PHF23: variants seen among roughly 807,000 people sequenced by gnomAD.
The protein encoded by PHF23 is PHD finger protein 23.
PHF23 carries 3 observed loss-of-function variants against 36.0 expected under a neutral mutation model. The ratio of observed to expected loss-of-function variants is 0.08; its 90% CI spans 0.04 to 0.22. The LOEUF (loss-of-function observed/expected upper bound fraction) is 0.22, where lower values mean the gene tolerates loss of function less well. Among genes scored for constraint, PHF23 ranks in the 10% least tolerant of loss-of-function variants. The pLI is 1.00. For missense variants in PHF23, 475 were observed against 513.6 expected, an observed-to-expected ratio of 0.92 and a Z score of 0.73; for synonymous variants, 242 against 192.5, an observed-to-expected ratio of 1.26 and a Z score of -2.13.
Position 7,239,394 on chromosome 17 carries a change from C to G in PHF23, c.-115G>C, listed in dbSNP as rs891403967. 1 of 562,568 alleles carries G rather than the reference C, an allele frequency of 1.8e-6. No homozygotes were observed. Among genetic ancestry groups the G allele is most frequent in the Admixed American group, 2.7e-5 (1 of 37,122 alleles). 34.8% of individuals were successfully genotyped at this position (562,568 alleles called of 1,614,324 possible). On this transcript the variant is annotated 5_prime_UTR_variant, in exon 1 of 5. Transcript: ENST00000320316. The stretch of plus-strand genomic sequence containing the variant: ...CGCTCCACAGAAGTGTCCGCCTCAG[C>G]CCGGTTGAGACTCGAGTCCGCTAGC...
chr17:7,238,731 CG>C (rs1430153091), intron 1 of PHF23: 4 of 1,506,878 alleles, frequency 2.7e-6, no homozygotes, highest in Non-Finnish European at 2.6e-6. Flanking sequence ...GGTACAGGTC[CG>C]TCTGCCGTAG....
chr17:7,236,303 A>G lies in PHF23; in HGVS notation c.624T>C (p.Asp208=). 1 of 1,613,612 alleles carries G rather than the reference A, an allele frequency of 6.2e-7. No individual in the cohort carries two copies. The highest frequency in any genetic ancestry group is 1.1e-5 in the South Asian group (1 of 91,072). The change falls in exon 4 of 5, where the codon GAT becomes GAC. Residue 208 remains aspartate (D), a synonymous_variant. Transcript: ENST00000320316. This position sits in a 1 kb window ranked among gnomAD's most constrained non-coding sequence, Gnocchi z 5.1. ...TCTTGATTCGAGATCTCTTTTCCCC[A>G]TCCCCAGGAGTTGGCCGAGGCCTCC... ...VLRRPRPTPG[D]GEKRSRIKKS... is the part of the protein sequence containing the mutation.
At chr17:7,237,542 C>G (rs962568748) in intron 2 of PHF23, 65 bp from the exon 3 acceptor site, 41 of 1,606,434 alleles carry the variant, frequency 2.6e-5, no homozygotes, top group Non-Finnish European at 3.2e-5. Flanking sequence ...TTCCCAGAAA[C>G]ACAGTCCCTA....
In PHF23 at chr17:7,235,230, TGTA is replaced by T. The variant is rs1037029817; in HGVS notation, c.*393_*395del. 4.0e-6 allele frequency: 1 copy of T among 248,842 alleles called. No homozygotes were observed. The highest frequency in any genetic ancestry group is 2.2e-5 in the African/African-American group (1 of 44,918). 15.4% of individuals were successfully genotyped at this position (248,842 alleles called of 1,614,324 possible). A position where few individuals can be genotyped will look rare whatever the true frequency, so the allele number is the denominator to read the frequency against. ...AGTCCAAAATTAAAAATACAACCGG[TGTA>T]GAAGAAAATAAATGGGGAGTGAAAT... On this transcript the variant is annotated 3_prime_UTR_variant, in exon 5 of 5. Coordinates refer to ENST00000320316, the MANE Select transcript of PHF23 (RefSeq NM_024297.3).
rs1293942737 is a variant in PHF23, at chr17:7,236,248, C to G, written c.679G>C (p.Glu227Gln). The G allele has an allele frequency of 6.2e-7, 1 of 1,613,448 alleles. No homozygotes were observed. Residue 227 changes from glutamate (E) to glutamine (Q), a missense_variant, in exon 4 of 5, where the codon GAA becomes CAA. Glu to Gln is a conservative substitution (Grantham distance 29). Transcript: ENST00000320316. This position sits in a 1 kb window ranked among gnomAD's most constrained non-coding sequence, Gnocchi z 5.1. ...GGAGGTGGGAGTCTATCCCCCCGTT[C>G]TGCCTTTTTTAACTTCCGCTTCTTG... ...KSKKRKLKKA[E>Q]RGDRLPPPGP...
Position 7,239,416 on chromosome 17 carries a change from T to G in PHF23, c.-137A>C. 2.2e-6 allele frequency: 1 copy of G among 454,460 alleles called. No individual in the cohort carries two copies. 28.2% of individuals were successfully genotyped at this position (454,460 alleles called of 1,614,324 possible). A position where few individuals can be genotyped will look rare whatever the true frequency, so the allele number is the denominator to read the frequency against. On this transcript the variant is annotated 5_prime_UTR_variant, in exon 1 of 5. Coordinates refer to ENST00000320316, the MANE Select transcript of PHF23 (RefSeq NM_024297.3). Reference sequence around the variant, plus strand: ...CAGCCCGGTTGAGACTCGAGTCCGCTAGCCGCTGCCGCCACCTCCCTCTAC... The same window carrying G: ...CAGCCCGGTTGAGACTCGAGTCCGCGAGCCGCTGCCGCCACCTCCCTCTAC...
At chr17:7,240,002 G>A (rs2071759695), upstream of PHF23, 1 of 152,256 alleles carries the variant, frequency 6.6e-6, no homozygotes. Flanking sequence ...GTCTAGCCAA[G>A]TGACATGCAA....
chr17:7,237,819 TCCGCCCCGCGA>T lies in PHF23; in HGVS notation c.35-170_35-160del, dbSNP rs1880941785. 54 of 811,122 alleles carry T rather than the reference TCCGCCCCGCGA, an allele frequency of 6.7e-5. No homozygotes were observed. In the South Asian group the frequency reaches 9.3e-4, roughly 14 times the overall value. 50.2% of individuals were successfully genotyped at this position (811,122 alleles called of 1,614,324 possible). On this transcript the variant is annotated intron_variant, in intron 1 of 4. Transcript: ENST00000320316. The stretch of plus-strand genomic sequence containing the variant: ...TGTTGGATCCGCCCCGGCTCCCCCT[TCCGCCCCGCGA>T]GGGGCGGAGCCTGGGCGCGGCGCCC...
At chr17:7,239,204 G>T (rs779838376) in intron 1 of PHF23, 42 bp downstream of exon 1, 45 of 1,365,800 alleles carry the variant, frequency 3.3e-5, no homozygotes, top group Non-Finnish European at 4.1e-5. Context: ...TTCCTCGCCC[G>T]CCCCCCGCCG....
In PHF23 at chr17:7,237,462, G is replaced by A; in HGVS notation, c.82C>T (p.Arg28Trp). The A allele has an allele frequency of 6.2e-7, 1 of 1,613,940 alleles. No individual in the cohort carries two copies. Among genetic ancestry groups the A allele is most frequent in the Non-Finnish European group, 8.5e-7 (1 of 1,179,934 alleles). The change falls in exon 3 of 5, where the codon CGG becomes TGG. Residue 28 changes from arginine to tryptophan, a missense_variant. Coordinates refer to ENST00000320316, the MANE Select transcript of PHF23 (RefSeq NM_024297.3). ...TTGTTGAAATCCTCAATTGTTCTCC[G>A]CCGTTTCTCTGGTGGCTGAAAGGAA... ...KPETQPPEKR[R>W]RTIEDFNKFC...
rs1356782855 is a variant in PHF23, at chr17:7,235,524, A to G, written c.*102T>C. On this transcript the variant is annotated 3_prime_UTR_variant, in exon 5 of 5. Transcript: ENST00000320316. ...TCTCCCTTGAGAATTCCTGCCTTGA[A>G]GTGCAGACAGTATCCAAGCTCCAGG... 7 of 1,184,022 alleles carry G rather than the reference A, an allele frequency of 5.9e-6. No homozygotes were observed. Among genetic ancestry groups the G allele is most frequent in the Middle Eastern group, 2.8e-4 (1 of 3,594 alleles). The allele number at this position is 1,184,022 out of a possible 1,614,324, so 73.3% of individuals were successfully genotyped here. A position where few individuals can be genotyped will look rare whatever the true frequency, so the allele number is the denominator to read the frequency against.
Position 7,237,393 on chromosome 17 carries a change from T to C in PHF23, c.151A>G (p.Ser51Gly), listed in dbSNP as rs1286873345. 2.5e-6 allele frequency: 4 copies of C among 1,613,186 alleles called. No individual in the cohort carries two copies. The South Asian group carries it at 3.3e-5, about 13-fold the overall frequency. Residue 51 changes from serine to glycine, a missense_variant, in exon 3 of 5, where the codon AGC becomes GGC. Transcript: ENST00000320316. ...AATTCTCTTGCCCCTACCTCTTTGC[T>C]AGGGGGAATGTAACCAGCATATGCC... ...VLAYAGYIPP[S>G]KEESDWPASG...
Position 7,236,240 on chromosome 17 carries a change from C to T in PHF23, c.687G>A (p.Gly229=), listed in dbSNP as rs942288214. The change falls in exon 4 of 5, where the codon GGG becomes GGA. Residue 229 remains glycine (G), a synonymous_variant. Transcript: ENST00000320316. The surrounding 1 kb of genome is among the most constrained non-coding windows in gnomAD (Gnocchi z 5.1). ...KKRKLKKAER[G]DRLPPPGPPQ... ...GAGGCCCAGGAGGTGGGAGTCTATC[C>T]CCCCGTTCTGCCTTTTTTAACTTCC... is the stretch of plus-strand genomic sequence containing the variant. 4 of 1,613,394 alleles carry T rather than the reference C, an allele frequency of 2.5e-6. No individual in the cohort carries two copies. The highest frequency in any genetic ancestry group is 2.5e-6 in the Non-Finnish European group (3 of 1,179,634).
At chr17:7,237,972 C>T (rs2071709077) in intron 1 of PHF23, 2 of 320,558 alleles carry the variant, frequency 6.2e-6, no homozygotes, top group African/African-American at 2.3e-5. Flanking sequence ...CCCCACCCCA[C>T]CGTACCGCTC....
chr17:7,237,862 G>T, intron 1 of PHF23: 1 of 615,092 alleles, frequency 1.6e-6, no homozygotes, highest in Non-Finnish European at 2.8e-6. Flanking sequence ...GCCCTCTGAG[G>T]CCTCGCTATA....
At chr17:7,239,160 G>T in intron 1 of PHF23, 86 bp downstream of exon 1, 3 of 1,072,656 alleles carry the variant, frequency 2.8e-6, no homozygotes, top group Non-Finnish European at 4.1e-6. Flanking sequence ...CCCCCGCTGG[G>T]CTCCGGGGCT....
chr17:7,235,431 C>A lies in PHF23; in HGVS notation c.*195G>T. On this transcript the variant is annotated 3_prime_UTR_variant, in exon 5 of 5. Coordinates refer to ENST00000320316, the MANE Select transcript of PHF23 (RefSeq NM_024297.3). ...CTCCCATCCCCAACCGTAATGGATT[C>A]AATTTCAAGTCCACAGAGTGGGGAG... The A allele has an allele frequency of 1.6e-6, 1 of 616,050 alleles. No individual in the cohort carries two copies. Among genetic ancestry groups the A allele is most frequent in the Non-Finnish European group, 2.8e-6 (1 of 353,388 alleles). The allele number at this position is 616,050 out of a possible 1,614,324, so 38.2% of individuals were successfully genotyped here.
rs2142996535 is a variant in PHF23 at position 7,237,655 on chromosome 17, G to A, written c.40C>T (p.Pro14Ser). 2 of 1,613,924 alleles carry A rather than the reference G, an allele frequency of 1.2e-6. No individual in the cohort carries two copies. Among genetic ancestry groups the A allele is most frequent in the Non-Finnish European group, 1.7e-6 (2 of 1,179,924 alleles). ...TGAGTCTCTGGCTTAAGGGTCGGAG[G>A]TGGATCTGGAAAAGCAATAAAAGCT... ...AMAEPSPEDP[P>S]PTLKPETQPP... The change falls in exon 2 of 5, where the codon CCT becomes TCT. Residue 14 changes from proline to serine, a missense_variant. Around this residue, in one of 5 missense-constraint regions of PHF23, gnomAD observed 54 missense variants for 42.0 expected, o/e 1.28. Transcript: ENST00000320316.
rs778063982 is a variant in PHF23 at position 7,236,764 on chromosome 17, T to C, written c.163A>G (p.Ser55Gly). The change falls in exon 4 of 5, where the codon AGT (serine) becomes GGT (glycine). Residue 55 changes from serine to glycine, a missense_variant. Physicochemically the swap from Ser to Gly is moderately conservative, Grantham distance 56 (BLOSUM62 0). Coordinates refer to ENST00000320316, the MANE Select transcript of PHF23 (RefSeq NM_024297.3). This position sits in a 1 kb window ranked among gnomAD's most constrained non-coding sequence, Gnocchi z 5.1. ...AGYIPPSKEESDWPASGSSSP... is the reference protein window; with the variant it reads ...AGYIPPSKEEGDWPASGSSSP... ...CTGGAGCCAGAGGCTGGCCAGTCAC[T>C]TTCCTTAAAAGGGGGAAGAGACCAG... is the stretch of plus-strand genomic sequence containing the variant. 3.3e-5 allele frequency: 53 copies of C among 1,608,656 alleles called. No individual in the cohort carries two copies. Among genetic ancestry groups the C allele is most frequent in the Non-Finnish European group, 4.2e-5 (49 of 1,177,454 alleles).
Sources: gnomAD v4.1 joint callset for allele counts on GRCh38, gnomAD v4.1.1 for gene constraint, gnomAD v4.1.1 regional missense constraint, Gnocchi (gnomAD v3.1) non-coding constraint, MANE v1.5 for transcripts, NCBI Gene and HGNC (gene_info 2026-07-23, HGNC 2026-07-21) for gene names.